CES4A: variants seen among roughly 807,000 people sequenced by gnomAD.
The protein encoded by CES4A is carboxylesterase 6.
A neutral mutation model predicts 65.4 loss-of-function variants in CES4A; 48 were observed. The observed-to-expected ratio is 0.73, with a 90% CI of 0.58 to 0.93. The LOEUF (loss-of-function observed/expected upper bound fraction) is 0.93, where lower values mean the gene tolerates loss of function less well. Ranked by LOEUF, CES4A falls within the 40% of genes least tolerant of loss-of-function variation. The pLI, the probability that CES4A is intolerant of heterozygous loss-of-function variation, is 0.00. For synonymous variants in CES4A, 247 were observed against 281.8 expected (o/e 0.88, Z 1.24); for missense variants, 685 against 728.5 (o/e 0.94, Z 0.69).
chr16:67,005,472 C>A, intron 11 of CES4A, 79 bp downstream of exon 11: 1 of 1,365,336 alleles, frequency 7.3e-7, no homozygotes, highest in Non-Finnish European at 1.0e-6. Flanking sequence ...GGCTTATCGA[C>A]TGCTCCCCTA....
At chr16:67,006,869 C>A (rs775288522) in intron 13 of CES4A, 52 bp downstream of exon 13, 1 of 1,537,792 alleles carries the variant, frequency 6.5e-7, no homozygotes, top group Non-Finnish European at 9.0e-7. Context: ...AGTGCTGGAC[C>A]TGAAGAAGCC....
At chr16:66,996,373 G>C (rs1314972482) in intron 2 of CES4A, among the ~76,000 whole-genome samples, 1 of 152,120 alleles carries the variant, frequency 6.6e-6, no homozygotes, top group African/African-American at 2.4e-5. Context: ...CAGGCAAGGG[G>C]GAGGCTGTCA....
chr16:67,004,263 A>G, intron 9 of CES4A, 39 bp downstream of exon 9: 1 of 1,611,064 alleles, frequency 6.2e-7, no homozygotes, highest in African/African-American at 1.3e-5. Flanking sequence ...TGCCTTACGT[A>G]AGTGAGTACC....
chr16:67,003,786 T>C lies in CES4A; in HGVS notation c.939+233T>C, dbSNP rs930506275. On this transcript the variant is annotated intron_variant, in intron 8 of 13. Coordinates refer to ENST00000648724, the Ensembl canonical transcript of CES4A. This position sits in a 1 kb window ranked among gnomAD's most constrained non-coding sequence, Gnocchi z 4.2. ...AAGGGGTTGGACATTTTGGGAGGTATGGACTTTTAAATAGAATGGCTAGAA... is the reference window on the plus strand; with the variant it reads ...AAGGGGTTGGACATTTTGGGAGGTACGGACTTTTAAATAGAATGGCTAGAA... 6.6e-6 allele frequency among the ~76,000 whole-genome samples: 1 copy of C among 152,136 alleles called. No homozygotes were observed. The highest frequency in any genetic ancestry group is 1.5e-5 in the Non-Finnish European group (1 of 68,026).
At chr16:67,009,309 G>C in exon 14 of CES4A, 1 of 635,834 alleles carries the variant, frequency 1.6e-6, no homozygotes, top group Non-Finnish European at 2.7e-6. Flanking sequence ...TGCCTGTTGT[G>C]TGGGACCTGC....
intron 1 of CES4A, among the ~76,000 whole-genome samples, chr16:66,989,907 C>T (rs940205861): frequency 6.6e-6 from 1 of 151,726 alleles, no homozygotes; most frequent in Non-Finnish European, 1.5e-5. Flanking sequence ...CCTTCTCAGT[C>T]AATACTCAAA....
At chr16:67,002,992 T>C in intron 5 of CES4A, 78 bp from the exon 6 acceptor site, 1 of 1,274,468 alleles carries the variant, frequency 7.8e-7, no homozygotes, top group Non-Finnish European at 1.1e-6. Context: ...TGCCTGCCCA[T>C]GGCCAGACAG....
At chr16:67,004,959 G>A (rs760800840) in intron 10 of CES4A, 86 bp downstream of exon 10, 4 of 1,061,490 alleles carry the variant, frequency 3.8e-6, no homozygotes, top group African/African-American at 1.6e-5. Context: ...TCTTTGCAAA[G>A]GGGCTCCCAG....
At chr16:67,007,539 T>G (rs1434551254) in intron 13 of CES4A, 5 of 152,198 alleles carry the variant, frequency 3.3e-5, no homozygotes, top group Admixed American at 1.3e-4. Flanking sequence ...GTGCTGGGAT[T>G]ACAGGCATGA....
chr16:67,001,525 CT>C lies in CES4A; in HGVS notation c.690+65del. 2 of 1,508,350 alleles carry C rather than the reference CT, an allele frequency of 1.3e-6. No homozygotes were observed. The allele number at this position is 1,508,350 out of a possible 1,614,324, so 93.4% of individuals were successfully genotyped here. On this transcript the variant is annotated intron_variant, in intron 5 of 13. Transcript: ENST00000648724. The surrounding 1 kb of genome is among the most constrained non-coding windows in gnomAD (Gnocchi z 4.1). ...GCTCCTGCGTTCCCACAAATGTATG[CT>C]CCACTGCACAGGCCATGTGCAGATT... is the stretch of plus-strand genomic sequence containing the variant.
chr16:66,988,699 C>T (rs1329079404), exon 1 of CES4A: 1 of 1,549,754 alleles, frequency 6.5e-7, no homozygotes, highest in Non-Finnish European at 8.7e-7. Context: ...GTAGACACGG[C>T]TACCATGCCA....
At chr16:67,006,986 A>C in intron 13 of CES4A, 169 bp downstream of exon 13, 3 of 601,668 alleles carry the variant, frequency 5.0e-6, no homozygotes. Flanking sequence ...CCGGATCCTA[A>C]ACGTCTCTAG....
At chr16:66,994,650 G>A (rs1184993633) in intron 1 of CES4A, among the ~76,000 whole-genome samples, 1 of 151,304 alleles carries the variant, frequency 6.6e-6, no homozygotes, top group African/African-American at 2.4e-5. Context: ...GACCATCCTG[G>A]CTAGTACGGT....
rs559422213 is a variant in CES4A at position 66,998,672 on chromosome 16, G to A, written c.261-1966G>A. ...TCACGAGGTCAGGAGTTCGAGACCA[G>A]CCTGACCAACATGGCGAAACCCCGT... is the stretch of plus-strand genomic sequence containing the variant. On this transcript the variant is annotated intron_variant, in intron 2 of 13. Coordinates refer to ENST00000648724, the Ensembl canonical transcript of CES4A. Among the ~76,000 whole-genome samples, 48 of 152,202 alleles carry A rather than the reference G, an allele frequency of 3.2e-4. 1 individual carries two copies. In the South Asian group the frequency reaches 3.7e-3, roughly 12 times the overall value.
exon 2 of CES4A, chr16:66,995,710 C>T: frequency 1.9e-6 from 3 of 1,614,226 alleles, no homozygotes; most frequent in Non-Finnish European, 2.5e-6. Context: ...GGAAGACACC[C>T]ATCCAAGTCT....
chr16:67,001,078 G>GC lies in CES4A; in HGVS notation c.536+88_536+89insC. ...AGGGAGGGGCGGGGCCTGGGGCGGG[G>GC]ATGGGGGGGGTGGGGCCGCGAGGCG... On this transcript the variant is annotated intron_variant, in intron 4 of 13. Coordinates refer to ENST00000648724, the Ensembl canonical transcript of CES4A. This position sits in a 1 kb window ranked among gnomAD's most constrained non-coding sequence, Gnocchi z 4.1. 1 of 580,262 alleles carries GC rather than the reference G, an allele frequency of 1.7e-6. No individual in the cohort carries two copies. The highest frequency in any genetic ancestry group is 2.9e-6 in the Non-Finnish European group (1 of 345,522). The allele number at this position is 580,262 out of a possible 1,614,324, so 35.9% of individuals were successfully genotyped here.
chr16:67,006,108 G>A, intron 11 of CES4A: 1 of 399,358 alleles, frequency 2.5e-6, no homozygotes. Context: ...GTTCAGAACA[G>A]GGAAAAGGAA....
Position 67,000,875 on chromosome 16 carries a change from G to C in CES4A, c.421G>C (p.Gly141Arg), listed in dbSNP as rs1435752890. ...CGTCCAGGTGATGGTCTGGTTCCCGGGAGGCGCCTTCATCGTGGGCGCTGC... is the reference window on the plus strand; with the variant it reads ...CGTCCAGGTGATGGTCTGGTTCCCGCGAGGCGCCTTCATCGTGGGCGCTGC... The change falls in exon 4 of 14, where the codon GGA becomes CGA. Residue 141 changes from glycine (G) to arginine (R), a missense_variant. Gly to Arg is a moderately radical substitution (Grantham distance 125, BLOSUM62 -2). Coordinates refer to ENST00000648724, the Ensembl canonical transcript of CES4A. This position sits in a 1 kb window ranked among gnomAD's most constrained non-coding sequence, Gnocchi z 4.2. The C allele has an allele frequency of 6.2e-7, 1 of 1,604,010 alleles. No individual in the cohort carries two copies. The highest frequency in any genetic ancestry group is 8.5e-7 in the Non-Finnish European group (1 of 1,175,432).
intron 2 of CES4A, chr16:66,996,113 C>G (rs1233350060): frequency 1.9e-6 from 1 of 524,078 alleles, no homozygotes; most frequent in Non-Finnish European, 3.6e-6. Context: ...TCTCGGCTCA[C>G]TGCAACCTCC....
Sources: gnomAD v4.1 joint callset for allele counts (sites outside exome capture counted in the v4.1 genomes callset) on GRCh38, gnomAD v4.1.1 for gene constraint, Gnocchi (gnomAD v3.1) non-coding constraint, MANE v1.5 for transcripts, NCBI Gene and HGNC (gene_info 2026-07-23, HGNC 2026-07-21) for gene names.